CNOT7: variants seen among roughly 807,000 people sequenced by gnomAD.
CNOT7 encodes the protein CCR4-NOT transcription complex subunit 7, also known as BTG1-binding factor 1.
In CNOT7, 4 loss-of-function variants were observed where a neutral mutation model predicts 37.1. The ratio of observed to expected loss-of-function variants is 0.11; its 90% CI spans 0.05 to 0.25. The LOEUF is 0.25. Ranked by LOEUF, CNOT7 falls within the 10% of genes least tolerant of loss-of-function variation. The pLI is 1.00. For synonymous variants in CNOT7, 128 were observed against 115.6 expected (o/e 1.11, Z -0.69); for missense variants, 170 against 336.2 (o/e 0.51, Z 3.87).
chr8:17,239,736 G>C (rs1044265124), intron 3 of CNOT7, among the ~76,000 whole-genome samples: 2 of 151,646 alleles, frequency 1.3e-5, no homozygotes, highest in Non-Finnish European at 2.9e-5. Context: ...CTTGTGATCC[G>C]CCCGCCTCGG....
chr8:17,239,314 T>C (rs944394379), intron 3 of CNOT7, among the ~76,000 whole-genome samples: 27 of 152,152 alleles, frequency 1.8e-4, no homozygotes, highest in Non-Finnish European at 3.5e-4. Flanking sequence ...CCAACTGGCC[T>C]CCCGAAGTGC....
intron 6 of CNOT7, 72 bp from the exon 7 acceptor site, chr8:17,230,920 G>GTA: frequency 1.8e-6 from 2 of 1,125,140 alleles, no homozygotes; most frequent in Non-Finnish European, 2.6e-6. Context: ...TTATATTTCA[G>GTA]CAATGTAAGT....
chr8:17,230,968 A>G, intron 6 of CNOT7, 120 bp from the exon 7 acceptor site: 3 of 679,892 alleles, frequency 4.4e-6, no homozygotes, highest in East Asian at 2.9e-5. Flanking sequence ...GCTCTTTTCT[A>G]TGGTGTTCCT....
At chr8:17,234,530 G>C (rs1809077227) in intron 5 of CNOT7, 186 bp downstream of exon 5, 2 of 598,868 alleles carry the variant, frequency 3.3e-6, no homozygotes, top group Non-Finnish European at 2.9e-6. Context: ...ACATACTGAA[G>C]CTCTGAAAAA....
intron 3 of CNOT7, among the ~76,000 whole-genome samples, chr8:17,240,885 G>A (rs1205572382): frequency 6.6e-6 from 1 of 152,100 alleles, no homozygotes; most frequent in African/African-American, 2.4e-5. Context: ...TGGCTTCCTT[G>A]GGCCATACTC....
At chr8:17,240,458 AC>A (rs1159401977) in intron 3 of CNOT7, among the ~76,000 whole-genome samples, 1 of 152,130 alleles carries the variant, frequency 6.6e-6, no homozygotes, top group Non-Finnish European at 1.5e-5. Flanking sequence ...AAAAGATTAG[AC>A]ACCCCTAGTG....
In CNOT7 at chr8:17,245,105, C is replaced by A; in HGVS notation, c.48G>T (p.Trp16Cys). 1.2e-6 allele frequency: 2 copies of A among 1,613,500 alleles called. No individual in the cohort carries two copies. The highest frequency in any genetic ancestry group is 1.7e-6 in the Non-Finnish European group (2 of 1,179,796). Reference protein sequence around the residue: ...VDHSQRICEVWACNLDEEMKK... With the variant: ...VDHSQRICEVCACNLDEEMKK... ...TCATCTCTTCATCCAAGTTGCAAGC[C>A]CAAACTTCACAAATTCTTTGGCTAT... Residue 16 changes from tryptophan (W) to cysteine (C), a missense_variant, in exon 2 of 7, where the codon TGG becomes TGT. Transcript: ENST00000361272.
Position 17,245,634 on chromosome 8 carries a change from G to C in CNOT7, c.-95-387C>G, listed in dbSNP as rs191600576. ...GATCAGATGTTACCATGGCAAAGAT[G>C]GTGTTTATTTTTATTCCTCATTAAT... On this transcript the variant is annotated intron_variant, in intron 1 of 6. Transcript: ENST00000361272. Among the ~76,000 whole-genome samples, 590 of 152,204 alleles carry C rather than the reference G, an allele frequency of 3.9e-3. 5 individuals carry two copies. The highest frequency in any genetic ancestry group is 0.014 in the African/African-American group (566 of 41,530).
In CNOT7 at chr8:17,230,596, A is replaced by G; in HGVS notation, c.*124T>C. 1 of 692,086 alleles carries G rather than the reference A, an allele frequency of 1.4e-6. No individual in the cohort carries two copies. The allele number at this position is 692,086 out of a possible 1,614,324, so 42.9% of individuals were successfully genotyped here. A position where few individuals can be genotyped will look rare whatever the true frequency, so the allele number is the denominator to read the frequency against. ...TCATACTTAGTACTGAAAGGCAGACAATAAAATGGGCCATGAAAGGGGGGG... is the reference window on the plus strand; with the variant it reads ...TCATACTTAGTACTGAAAGGCAGACGATAAAATGGGCCATGAAAGGGGGGG... On this transcript the variant is annotated 3_prime_UTR_variant, in exon 7 of 7. Transcript: ENST00000361272.
At chr8:17,236,453 T>C (rs1276897263) in intron 4 of CNOT7, among the ~76,000 whole-genome samples, 1 of 152,212 alleles carries the variant, frequency 6.6e-6, no homozygotes, top group Non-Finnish European at 1.5e-5. Context: ...ATCGGAATAG[T>C]TTCCTTACCA....
chr8:17,225,472 C>G lies in CNOT7; in HGVS notation c.*5248G>C, dbSNP rs966324049. 59 of 151,790 alleles carry G rather than the reference C, an allele frequency of 3.9e-4. No individual in the cohort carries two copies. Among genetic ancestry groups the G allele is most frequent in the African/African-American group, 1.4e-3 (58 of 41,518 alleles). The allele number at this position is 151,790 out of a possible 1,614,324, so 9.4% of individuals were successfully genotyped here. A position where few individuals can be genotyped will look rare whatever the true frequency, so the allele number is the denominator to read the frequency against. On this transcript the variant is annotated 3_prime_UTR_variant, in exon 7 of 7. Coordinates refer to ENST00000361272, the MANE Select transcript of CNOT7 (RefSeq NM_013354.7). ...TTCATTCACCTACAGACTATGGCTA[C>G]AAAGCAATGAAATGGACTTCTAAAG...
intron 6 of CNOT7, among the ~76,000 whole-genome samples, chr8:17,231,302 C>T (rs1808575384): frequency 6.6e-6 from 1 of 152,082 alleles, no homozygotes; most frequent in African/African-American, 2.4e-5. Flanking sequence ...CACTCTATTA[C>T]TGTCCTTGAA....
At chr8:17,244,939 C>A in intron 2 of CNOT7, 97 bp downstream of exon 2, 1 of 982,358 alleles carries the variant, frequency 1.0e-6, no homozygotes. Context: ...TGAAATTAAT[C>A]CCTAAAAATA....
intron 3 of CNOT7, among the ~76,000 whole-genome samples, chr8:17,239,109 G>A (rs767988101): frequency 1.3e-5 from 2 of 152,194 alleles, no homozygotes; most frequent in Non-Finnish European, 2.9e-5. Flanking sequence ...CCAGGAAGCA[G>A]TGGCTTGAAC....
At chr8:17,233,989 G>C (rs961753899) in intron 5 of CNOT7, among the ~76,000 whole-genome samples, 2 of 152,212 alleles carry the variant, frequency 1.3e-5, no homozygotes, top group Non-Finnish European at 2.9e-5. Context: ...GGGAGGCGGA[G>C]GTTGCAGTGA....
chr8:17,234,648 T>C (rs2150978543), intron 5 of CNOT7, 68 bp downstream of exon 5: 1 of 1,489,254 alleles, frequency 6.7e-7, no homozygotes, highest in Non-Finnish European at 9.4e-7. Flanking sequence ...CATCCCAGCC[T>C]AGGCTCGCAT....
chr8:17,241,029 G>T (rs886945423), intron 3 of CNOT7, among the ~76,000 whole-genome samples: 1 of 152,178 alleles, frequency 6.6e-6, no homozygotes, highest in Non-Finnish European at 1.5e-5. Flanking sequence ...GGTTGGACAA[G>T]TTTACTTTAC....
At chr8:17,242,883 A>C (rs1204444111) in intron 3 of CNOT7, 109 bp downstream of exon 3, 1 of 651,178 alleles carries the variant, frequency 1.5e-6, no homozygotes, top group East Asian at 3.3e-5. Context: ...TATTTCCAGG[A>C]TAACTACACC....
At chr8:17,243,494 C>T (rs972422907) in intron 2 of CNOT7, 3 of 512,738 alleles carry the variant, frequency 5.9e-6, no homozygotes, top group South Asian at 3.1e-5. Context: ...CCAAAGGATA[C>T]ATGAAATGAT....
Sources: allele counts gnomAD v4.1 joint callset (sites outside exome capture counted in the v4.1 genomes callset), GRCh38; gene constraint gnomAD v4.1.1; transcripts MANE v1.5; gene names NCBI Gene and HGNC (gene_info 2026-07-23, HGNC 2026-07-21).